The following AP1M2 variants were observed in gnomAD, a reference collection of about 807,000 sequenced individuals.
AP1M2 encodes adaptor related protein complex 1 subunit mu 2, also known as AP-1 complex subunit mu-2.
AP1M2 carries 41 observed loss-of-function variants against 54.6 expected under a neutral mutation model. That is an observed-to-expected ratio of 0.75 (90% CI 0.59 to 0.97). The LOEUF (loss-of-function observed/expected upper bound fraction) is 0.97, where lower values mean the gene tolerates loss of function less well. Ranked by LOEUF, AP1M2 falls within the 50% of genes least tolerant of loss-of-function variation. The pLI is 0.00. For synonymous variants in AP1M2, 219 were observed against 215.9 expected (o/e 1.01, Z -0.13); for missense variants, 507 against 561.2 (o/e 0.90, Z 0.98).
In AP1M2 at chr19:10,586,012, A is replaced by G. The variant is rs1292680720; in HGVS notation, c.42+1178T>C. Among the ~76,000 whole-genome samples, 3 of 152,004 alleles carry G rather than the reference A, an allele frequency of 2.0e-5. No homozygotes were observed. In the South Asian group the frequency reaches 6.2e-4, roughly 32 times the overall value. On this transcript the variant is annotated intron_variant, in intron 1 of 11. Transcript: ENST00000250244. ...AAATAGGCCGGGTGCGGCCGGGCGC[A>G]GTGGCTCATGTCTGTAATCCCAGCA...
chr19:10,587,145 G>C (rs761994395), intron 1 of AP1M2, 45 bp downstream of exon 1: 8 of 1,547,358 alleles, frequency 5.2e-6, no homozygotes, highest in Non-Finnish European at 7.0e-6. Context: ...CCCTGGGAGC[G>C]AGACCTCACC....
intron 5 of AP1M2, 32 bp downstream of exon 5, chr19:10,581,455 G>A: frequency 3.1e-6 from 5 of 1,611,616 alleles, no homozygotes; most frequent in Non-Finnish European, 4.2e-6. Flanking sequence ...GCCAGGCCGT[G>A]GAAGGGGTGC....
chr19:10,587,070 G>C (rs1917672093), intron 1 of AP1M2, 120 bp downstream of exon 1: 1 of 1,136,156 alleles, frequency 8.8e-7, no homozygotes, highest in African/African-American at 1.6e-5. Context: ...GATTCCCAGG[G>C]ATTGCAGGGG....
rs766781877 is a variant in AP1M2 at position 10,581,338 on chromosome 19, T to G, written c.601A>C (p.Lys201Gln). The change falls in exon 6 of 12, where the codon AAG (lysine) becomes CAG (glutamine). Residue 201 changes from lysine (K) to glutamine (Q), a missense_variant. Coordinates refer to ENST00000250244, the MANE Select transcript of AP1M2 (RefSeq NM_005498.5). ...TCTGGCATTCCTGACAGAAACACCT[T>G]GAGCTTGATGGTACCGACGATTTCG... ...LSEIVGTIKL[K>Q]VFLSGMPELR... The G allele has an allele frequency of 1.2e-5, 20 of 1,613,880 alleles. No individual in the cohort carries two copies. Among genetic ancestry groups the G allele is most frequent in the Non-Finnish European group, 1.7e-5 (20 of 1,179,782 alleles).
At chr19:10,574,212 G>T (rs1426433787) in intron 11 of AP1M2, 4 of 499,816 alleles carry the variant, frequency 8.0e-6, no homozygotes, top group South Asian at 2.8e-5. Flanking sequence ...TAGAAACAGG[G>T]TTTCACCATG....
At chr19:10,575,285 G>T (rs1917195845) in intron 9 of AP1M2, among the ~76,000 whole-genome samples, 1 of 152,152 alleles carries the variant, frequency 6.6e-6, no homozygotes, top group Admixed American at 6.6e-5. Context: ...CTGGGAGTTT[G>T]AGGCTGCAGT....
chr19:10,581,098 A>G (rs960327868), intron 6 of AP1M2, among the ~76,000 whole-genome samples, 168 bp downstream of exon 6: 7 of 152,222 alleles, frequency 4.6e-5, no homozygotes, highest in Admixed American at 3.3e-4. Context: ...TCGCTCAATC[A>G]TGAAACAGCC....
chr19:10,573,355 G>C (rs988239176), intron 11 of AP1M2, among the ~76,000 whole-genome samples: 4 of 152,000 alleles, frequency 2.6e-5, no homozygotes, highest in Non-Finnish European at 4.4e-5. Flanking sequence ...GGAGGTGGAG[G>C]TTGCAGTGAG....
In AP1M2 at chr19:10,581,833, C is replaced by T. The variant is rs746859368; in HGVS notation, c.313G>A (p.Asp105Asn). 1.2e-6 allele frequency: 2 copies of T among 1,613,888 alleles called. No individual in the cohort carries two copies. Among genetic ancestry groups the T allele is most frequent in the Non-Finnish European group, 1.7e-6 (2 of 1,179,964 alleles). Residue 105 changes from aspartate to asparagine, a missense_variant, in exon 4 of 12, where the codon GAC (aspartate) becomes AAC (asparagine). Coordinates refer to ENST00000250244, the MANE Select transcript of AP1M2 (RefSeq NM_005498.5). ...FKELEEESIR[D>N]NFVIVYELLD... ...AACTCGTAGACGATGACAAAGTTGT[C>T]CCGGATGCTCTCCTCCTCCAGCTCC...
At chr19:10,581,002 G>A (rs1257238931) in intron 6 of AP1M2, among the ~76,000 whole-genome samples, 1 of 152,102 alleles carries the variant, frequency 6.6e-6, no homozygotes, top group Non-Finnish European at 1.5e-5. Context: ...CCTCCCAGTA[G>A]GATGTCATCT....
intron 11 of AP1M2, 29 bp from the exon 12 acceptor site, chr19:10,573,117 C>G: frequency 6.4e-7 from 1 of 1,557,050 alleles, no homozygotes; most frequent in Non-Finnish European, 8.7e-7. Flanking sequence ...GAGGGGCCAT[C>G]TCAGAAATGG....
intron 11 of AP1M2, among the ~76,000 whole-genome samples, chr19:10,573,398 G>A (rs933863892): frequency 6.6e-6 from 1 of 151,868 alleles, no homozygotes; most frequent in Non-Finnish European, 1.5e-5. Flanking sequence ...CAGCCTGGGC[G>A]ACAGAGTGAG....
In AP1M2 at chr19:10,572,693, T is replaced by A. The variant is rs117089789; in HGVS notation, c.*373A>T. 1.1e-4 allele frequency: 25 copies of A among 225,892 alleles called. No homozygotes were observed. In the East Asian group the frequency reaches 2.3e-3, roughly 20 times the overall value. 14.0% of individuals were successfully genotyped at this position (225,892 alleles called of 1,614,324 possible). On this transcript the variant is annotated 3_prime_UTR_variant, in exon 12 of 12. Transcript: ENST00000250244. The stretch of plus-strand genomic sequence containing the variant: ...GGCTAGATTCATCTTTTTAATGACA[T>A]CCTAAAATTCAGAGGAGGGGCCAGC...
At position 10,581,308 on chromosome 19, in the gene AP1M2, G is replaced by T. The variant is rs745807964; in HGVS notation, c.631C>A (p.Arg211=). The change falls in exon 6 of 12, where the codon CGG becomes AGG. Residue 211 remains arginine, a synonymous_variant. Transcript: ENST00000250244. ...KVFLSGMPEL[R]LGLNDRVLFE... ...AGCACGCGGTCATTGAGGCCCAGCC[G>T]CAGCTCTGGCATTCCTGACAGAAAC... 1 of 1,613,820 alleles carries T rather than the reference G, an allele frequency of 6.2e-7. No individual in the cohort carries two copies. The highest frequency in any genetic ancestry group is 8.5e-7 in the Non-Finnish European group (1 of 1,179,752).
At chr19:10,586,058 C>T (rs571241755) in intron 1 of AP1M2, among the ~76,000 whole-genome samples, 3 of 152,010 alleles carry the variant, frequency 2.0e-5, no homozygotes, top group Middle Eastern at 3.4e-3. Flanking sequence ...CCGAGGTGGG[C>T]GGATCACGAG....
In AP1M2 at chr19:10,579,784, C is replaced by T. The variant is rs761767257; in HGVS notation, c.748G>A (p.Asp250Asn). Residue 250 changes from aspartate (D) to asparagine (N), a missense_variant, in exon 7 of 12, where the codon GAC becomes AAC. Coordinates refer to ENST00000250244, the MANE Select transcript of AP1M2 (RefSeq NM_005498.5). Reference protein sequence around the residue: ...QCVRLSRFDNDRTISFIPPDG... With the variant: ...QCVRLSRFDNNRTISFIPPDG... Reference sequence around the variant, plus strand: ...GGCGGGATGAAGGAGATGGTGCGGTCGTTGTCAAAGCGAGAGAGCCGCACG... The same window carrying T: ...GGCGGGATGAAGGAGATGGTGCGGTTGTTGTCAAAGCGAGAGAGCCGCACG... 11 of 1,613,874 alleles carry T rather than the reference C, an allele frequency of 6.8e-6. No homozygotes were observed. The highest frequency in any genetic ancestry group is 8.5e-6 in the Non-Finnish European group (10 of 1,179,902).
intron 1 of AP1M2, 98 bp from the exon 2 acceptor site, chr19:10,584,168 A>C: frequency 6.9e-7 from 1 of 1,441,874 alleles, no homozygotes. Context: ...TTCCTAGCTG[A>C]GGGGCTTGGG....
chr19:10,577,264 G>A lies in AP1M2; in HGVS notation c.981C>T (p.Thr327=). The A allele has an allele frequency of 1.2e-6, 2 of 1,613,238 alleles. No homozygotes were observed. The highest frequency in any genetic ancestry group is 1.7e-6 in the Non-Finnish European group (2 of 1,179,706). The change falls in exon 9 of 12, where the codon ACC becomes ACT. Residue 327 remains threonine (T), a synonymous_variant. Coordinates refer to ENST00000250244, the MANE Select transcript of AP1M2 (RefSeq NM_005498.5). The part of the protein sequence containing the change: ...PSDADSPRFK[T]SVGSAKYVPE... ...GCACATACTTGGCGCTGCCCACACTGGTCTTGAATCTGGGGGAGTCGGCAT... is the reference window on the plus strand; with the variant it reads ...GCACATACTTGGCGCTGCCCACACTAGTCTTGAATCTGGGGGAGTCGGCAT...
At chr19:10,583,785 C>G in intron 2 of AP1M2, 112 bp from the exon 3 acceptor site, 1 of 1,476,490 alleles carries the variant, frequency 6.8e-7, no homozygotes, top group Non-Finnish European at 9.2e-7. Context: ...CCTGCCCCTG[C>G]CCCCCAGCCT....
Sources: allele counts gnomAD v4.1 joint callset (sites outside exome capture counted in the v4.1 genomes callset), GRCh38; gene constraint gnomAD v4.1.1; transcripts MANE v1.5; gene names NCBI Gene and HGNC (gene_info 2026-07-23, HGNC 2026-07-21).